Variants in ACP7 observed in about 807,000 individuals in gnomAD.
ACP7 encodes the protein acid phosphatase type 7.
In ACP7, 58 loss-of-function variants were observed where a neutral mutation model predicts 60.6. The observed-to-expected ratio is 0.96, with a 90% CI of 0.77 to 1.19. The LOEUF is 1.19. Ranked by LOEUF, ACP7 falls within the 50% of genes most tolerant of loss-of-function variation. The pLI is 0.00. For missense variants in ACP7, 574 were observed against 596.2 expected (o/e 0.96, Z 0.39); for synonymous variants, 237 against 232.6 (o/e 1.02, Z -0.17).
chr19:39,096,407 C>T (rs192742690), intron 2 of ACP7, among the ~76,000 whole-genome samples: 4 of 152,318 alleles, frequency 2.6e-5, no homozygotes, highest in Admixed American at 6.5e-5. Context: ...GTCACCTTTG[C>T]TCCAGTTCCC....
chr19:39,090,927 G>A lies in ACP7; in HGVS notation c.121+5537G>A, dbSNP rs184191463. On this transcript the variant is annotated intron_variant, in intron 2 of 12. Transcript: ENST00000331256. ...TATTCAATGATTTATTTACATCATG[G>A]ACTCATGGATATCCATTTTATTCCA... is the stretch of plus-strand genomic sequence containing the variant. Among the ~76,000 whole-genome samples, 348 of 151,586 alleles carry A rather than the reference G, an allele frequency of 2.3e-3. 1 individual carries two copies. Among genetic ancestry groups the A allele is most frequent in the Middle Eastern group, 6.8e-3 (2 of 292 alleles).
chr19:39,095,847 T>A (rs991164310), intron 2 of ACP7, among the ~76,000 whole-genome samples: 1 of 152,202 alleles, frequency 6.6e-6, no homozygotes, highest in Non-Finnish European at 1.5e-5. Context: ...ACCTGCAGGC[T>A]CAAAACCATG....
chr19:39,085,071 A>G, intron 1 of ACP7, 21 bp from the exon 2 acceptor site: 4 of 588,636 alleles, frequency 6.8e-6, no homozygotes, highest in Non-Finnish European at 2.8e-6. Context: ...AGCGATTCTT[A>G]TTTTTGGTTT....
At position 39,093,108 on chromosome 19, in the gene ACP7, T is replaced by TTTTC. The variant is rs1197986642; in HGVS notation, c.122-5333_122-5330dup. Reference sequence around the variant, plus strand: ...TTCTTTCTTTTCTTTCTTTTTTTCTTTTTCTTTCTTTCTTTCTTTCCTTCT... The same window carrying TTTTC: ...TTCTTTCTTTTCTTTCTTTTTTTCTTTTTCTTTCTTTCTTTCTTTCTTTCCTTCT... On this transcript the variant is annotated intron_variant, in intron 2 of 12. Transcript: ENST00000331256. Among the ~76,000 whole-genome samples, 188 of 147,150 alleles carry TTTTC rather than the reference T, an allele frequency of 1.3e-3. 2 individuals carry two copies. The highest frequency in any genetic ancestry group is 4.4e-3 in the African/African-American group (171 of 39,180).
At chr19:39,109,685 T>TA (rs34682645) in intron 12 of ACP7, among the ~76,000 whole-genome samples, 20,613 of 65,452 alleles carry the variant, frequency 0.31, 3,736 homozygotes, top group Non-Finnish European at 0.33. Flanking sequence ...AGACTCTGTC[T>TA]AAAAAAAAAA....
chr19:39,100,406 G>C (rs1005623700), intron 5 of ACP7, 56 bp downstream of exon 5: 9 of 1,607,174 alleles, frequency 5.6e-6, no homozygotes, highest in Admixed American at 1.7e-5. Flanking sequence ...AAATGGTCTC[G>C]TTCTTCTTAG....
intron 3 of ACP7, 132 bp from the exon 4 acceptor site, chr19:39,098,828 A>C: frequency 7.2e-7 from 1 of 1,393,910 alleles, no homozygotes; most frequent in Non-Finnish European, 9.6e-7. Flanking sequence ...CGGGGAAGGC[A>C]GACCGAAGGG....
intron 2 of ACP7, among the ~76,000 whole-genome samples, chr19:39,089,477 T>A (rs886732292): frequency 6.6e-6 from 1 of 152,216 alleles, no homozygotes; most frequent in Non-Finnish European, 1.5e-5. Context: ...TGTTAACATT[T>A]TACGTAACCA....
At chr19:39,108,470 C>T (rs1316030488) in intron 12 of ACP7, among the ~76,000 whole-genome samples, 1 of 152,026 alleles carries the variant, frequency 6.6e-6, no homozygotes, top group Non-Finnish European at 1.5e-5. Flanking sequence ...CCTCAGTTTT[C>T]CCATCTGTGA....
At chr19:39,086,887 TAAC>T (rs2073148733) in intron 2 of ACP7, among the ~76,000 whole-genome samples, 1 of 152,198 alleles carries the variant, frequency 6.6e-6, no homozygotes, top group African/African-American at 2.4e-5. Context: ...CATTTAAAAT[TAAC>T]AATAACAAAC....
At position 39,102,747 on chromosome 19, in the gene ACP7, C is replaced by CTTTT. The variant is rs774120353; in HGVS notation, c.1113+1213_1113+1214insTTTT. Among the ~76,000 whole-genome samples the CTTTT allele has an allele frequency of 3.7e-5, 3 of 81,460 alleles. No individual in the cohort carries two copies. The East Asian group carries it at 1.2e-3, about 33-fold the overall frequency. 53.4% of individuals were successfully genotyped at this position (81,460 alleles called of 152,430 possible). On this transcript the variant is annotated intron_variant, in intron 11 of 12. Coordinates refer to ENST00000331256, the MANE Select transcript of ACP7 (RefSeq NM_001004318.3). ...TCTTTCTTTCTTTCTTTCTTTCTTT[C>CTTTT]TTTCTTTCTTTCTTTCTTTCTCTCT...
In ACP7 at chr19:39,110,165, C is replaced by T. The variant is rs780769512; in HGVS notation, c.*47C>T. ...AGAAGCCTAGGTTTTGCCGCCTTGGCTGCTGTGACCAGAAACTGCCCAGGC... is the reference window on the plus strand; with the variant it reads ...AGAAGCCTAGGTTTTGCCGCCTTGGTTGCTGTGACCAGAAACTGCCCAGGC... On this transcript the variant is annotated 3_prime_UTR_variant, in exon 13 of 13. Coordinates refer to ENST00000331256, the MANE Select transcript of ACP7 (RefSeq NM_001004318.3). 1.9e-6 allele frequency: 3 copies of T among 1,564,970 alleles called. No individual in the cohort carries two copies. The highest frequency in any genetic ancestry group is 1.1e-5 in the South Asian group (1 of 89,514).
At chr19:39,097,583 A>G (rs2073281469) in intron 2 of ACP7, among the ~76,000 whole-genome samples, 1 of 145,400 alleles carries the variant, frequency 6.9e-6, no homozygotes, top group Non-Finnish European at 1.5e-5. Context: ...AAAAAAAAAA[A>G]GTCAATAGCT....
At chr19:39,100,400 G>T (rs188341001) in intron 5 of ACP7, 50 bp downstream of exon 5, 3 of 1,608,690 alleles carry the variant, frequency 1.9e-6, no homozygotes, top group East Asian at 2.2e-5. Flanking sequence ...CAATGGAAAT[G>T]GTCTCGTTCT....
chr19:39,099,104 A>T lies in ACP7; in HGVS notation c.467A>T (p.Asp156Val). ...NPKAVPRLRR[D>V]TQQGMYDAVL... ...AAGGCCGTCCCCCGGCTGCGCAGGGACACCCAGCAGGGCATGTATGACGCC... is the reference window on the plus strand; with the variant it reads ...AAGGCCGTCCCCCGGCTGCGCAGGGTCACCCAGCAGGGCATGTATGACGCC... The change falls in exon 4 of 13, where the codon GAC becomes GTC. Residue 156 changes from aspartate to valine, a missense_variant. Coordinates refer to ENST00000331256, the MANE Select transcript of ACP7 (RefSeq NM_001004318.3). 6.3e-7 allele frequency: 1 copy of T among 1,596,066 alleles called. No individual in the cohort carries two copies. The highest frequency in any genetic ancestry group is 1.1e-5 in the South Asian group (1 of 88,754).
chr19:39,101,055 A>G lies in ACP7; in HGVS notation c.914A>G (p.Lys305Arg). Residue 305 changes from lysine to arginine, a missense_variant and splice_region_variant, in exon 8 of 13, where the codon AAG (lysine) becomes AGG (arginine). Coordinates refer to ENST00000331256, the MANE Select transcript of ACP7 (RefSeq NM_001004318.3). ...DLDDCTRHES[K>R]VRKGLQGKLY... ...GACGACTGCACACGACATGAAAGCA[A>G]GGTGAGGTCCCTCCCTGGGAGACAG... is the stretch of plus-strand genomic sequence containing the variant. 6.2e-7 allele frequency: 1 copy of G among 1,614,054 alleles called. No individual in the cohort carries two copies. Among genetic ancestry groups the G allele is most frequent in the Non-Finnish European group, 8.5e-7 (1 of 1,180,026 alleles).
At chr19:39,095,748 C>A (rs753842023) in intron 2 of ACP7, among the ~76,000 whole-genome samples, 1 of 152,238 alleles carries the variant, frequency 6.6e-6, no homozygotes, top group Non-Finnish European at 1.5e-5. Context: ...AGAGCCCCAC[C>A]CCTACTTCTG....
At chr19:39,085,582 G>A (rs1370655862) in intron 2 of ACP7, among the ~76,000 whole-genome samples, 192 bp downstream of exon 2, 3 of 152,172 alleles carry the variant, frequency 2.0e-5, no homozygotes, top group Admixed American at 1.3e-4. Context: ...AATGATCATG[G>A]TGCTCAGCCC....
chr19:39,087,164 C>A (rs1369611039), intron 2 of ACP7, among the ~76,000 whole-genome samples: 15 of 151,966 alleles, frequency 9.9e-5, no homozygotes, highest in Admixed American at 9.8e-4. Context: ...CACCCACCAC[C>A]CCATACTTGG....
Sources: gnomAD v4.1 joint callset for allele counts (sites outside exome capture counted in the v4.1 genomes callset) on GRCh38, gnomAD v4.1.1 for gene constraint, MANE v1.5 for transcripts, NCBI Gene and HGNC (gene_info 2026-07-23, HGNC 2026-07-21) for gene names.